The following ADORA1 variants were observed in gnomAD, a reference collection of about 807,000 sequenced individuals.
ADORA1 encodes the protein adenosine receptor A1.
In ADORA1, 6 loss-of-function variants were observed where a neutral mutation model predicts 19.9. The observed-to-expected ratio is 0.30, with a 90% CI of 0.17 to 0.59. ADORA1 has a LOEUF of 0.59. ADORA1 is among the 20% of genes least tolerant of loss of function. The pLI is 0.87. For missense variants in ADORA1, 302 were observed against 439.2 expected, an observed-to-expected ratio of 0.69 and a Z score of 2.79; for synonymous variants, 194 against 188.4, an observed-to-expected ratio of 1.03 and a Z score of -0.24.
At chr1:203,132,301 C>A (rs1420905057) in intron 3 of ADORA1, among the ~76,000 whole-genome samples, 1 of 152,148 alleles carries the variant, frequency 6.6e-6, no homozygotes, top group Non-Finnish European at 1.5e-5. Flanking sequence ...AATTTGGTGC[C>A]TACTCCCGAG....
chr1:203,130,064 C>T (rs866163425), intron 3 of ADORA1, among the ~76,000 whole-genome samples: 25 of 152,222 alleles, frequency 1.6e-4, no homozygotes, highest in African/African-American at 5.1e-4. Context: ...CCTGCTGGGA[C>T]GCTCTTGTGA....
chr1:203,141,767 G>C (rs1654702775), intron 3 of ADORA1, among the ~76,000 whole-genome samples: 1 of 151,892 alleles, frequency 6.6e-6, no homozygotes, highest in South Asian at 2.1e-4. Context: ...ATTTTTAGTA[G>C]AGATGGAGTT....
intron 3 of ADORA1, among the ~76,000 whole-genome samples, chr1:203,156,436 C>T (rs913039543): frequency 6.6e-6 from 1 of 152,112 alleles, no homozygotes; most frequent in African/African-American, 2.4e-5. Context: ...AAGTGCAAAG[C>T]CCCTGAGGTA....
At chr1:203,154,744 G>A (rs576712546) in intron 3 of ADORA1, among the ~76,000 whole-genome samples, 3 of 152,290 alleles carry the variant, frequency 2.0e-5, no homozygotes, top group South Asian at 2.1e-4. Flanking sequence ...GCAGCCTGCC[G>A]GGGTCAGCCC....
At chr1:203,130,325 G>A (rs1390974779) in intron 3 of ADORA1, among the ~76,000 whole-genome samples, 1 of 152,252 alleles carries the variant, frequency 6.6e-6, no homozygotes, top group Non-Finnish European at 1.5e-5. Flanking sequence ...TCACGCCGCT[G>A]TAAGGGAGGT....
chr1:203,146,900 G>A (rs974498785), intron 3 of ADORA1, among the ~76,000 whole-genome samples: 2 of 152,210 alleles, frequency 1.3e-5, no homozygotes, highest in Admixed American at 6.5e-5. Context: ...GGTCCACAGA[G>A]GTGAGAATGG....
intron 3 of ADORA1, among the ~76,000 whole-genome samples, chr1:203,156,015 C>A (rs574881949): frequency 2.0e-5 from 3 of 152,350 alleles, no homozygotes; most frequent in Non-Finnish European, 4.4e-5. Flanking sequence ...CTTGAGCAAT[C>A]ATTTCTGAAT....
intron 3 of ADORA1, chr1:203,144,740 G>A (rs1654807746): frequency 6.6e-6 from 1 of 152,210 alleles, no homozygotes; most frequent in African/African-American, 2.4e-5. Flanking sequence ...CCCCACTGCG[G>A]AGCTGTCTGT....
At chr1:203,132,296 G>T (rs538514928) in intron 3 of ADORA1, among the ~76,000 whole-genome samples, 1 of 152,096 alleles carries the variant, frequency 6.6e-6, no homozygotes, top group South Asian at 2.1e-4. Context: ...GTGGCAATTT[G>T]GTGCCTACTC....
chr1:203,161,423 A>G (rs935535064), intron 3 of ADORA1, among the ~76,000 whole-genome samples: 2 of 152,110 alleles, frequency 1.3e-5, no homozygotes, highest in Non-Finnish European at 2.9e-5. Context: ...TGGACAACAC[A>G]GGGGGGCCCC....
intron 3 of ADORA1, among the ~76,000 whole-genome samples, chr1:203,148,266 T>C (rs894081951): frequency 3.9e-5 from 6 of 152,118 alleles, no homozygotes; most frequent in African/African-American, 1.4e-4. Flanking sequence ...CTGGCCTAGG[T>C]TGCAATGACA....
At chr1:203,150,669 A>G in intron 3 of ADORA1, 2 of 1,289,816 alleles carry the variant, frequency 1.6e-6, no homozygotes, top group Non-Finnish European at 2.0e-6. Flanking sequence ...CTGATGCAGC[A>G]GGAAGAACTG....
At chr1:203,129,431 G>A (rs1654263530) in intron 3 of ADORA1, among the ~76,000 whole-genome samples, 1 of 152,194 alleles carries the variant, frequency 6.6e-6, no homozygotes, top group South Asian at 2.1e-4. Flanking sequence ...TGAAGCTCTT[G>A]CAGCCAGGGA....
At chr1:203,158,970 A>C (rs967387363) in intron 3 of ADORA1, among the ~76,000 whole-genome samples, 10 of 152,376 alleles carry the variant, frequency 6.6e-5, no homozygotes, top group Admixed American at 4.6e-4. Context: ...CAGAGCTCTC[A>C]GGATCTAATT....
At position 203,129,138 on chromosome 1, in the gene ADORA1, G is replaced by C. The variant is rs199529688; in HGVS notation, c.297G>C (p.Leu99=). The C allele has an allele frequency of 4.3e-6, 7 of 1,613,942 alleles. No individual in the cohort carries two copies. The African/African-American group carries it at 9.3e-5, about 22-fold the overall frequency. Residue 99 remains leucine (L), a synonymous_variant, in exon 3 of 4, where the codon CTG becomes CTC. Coordinates refer to ENST00000337894, the MANE Select transcript of ADORA1 (RefSeq NM_000674.3). ...CCCAGAGCTCCATCCTGGCCCTGCTGGCAATTGCTGTGGACCGCTACCTCC... is the reference window on the plus strand; with the variant it reads ...CCCAGAGCTCCATCCTGGCCCTGCTCGCAATTGCTGTGGACCGCTACCTCC... ...ILTQSSILAL[L]AIAVDRYLRV...
rs1654278232 is a variant in ADORA1, at chr1:203,129,877, G to A, written c.341+695G>A. Among the ~76,000 whole-genome samples the A allele has an allele frequency of 2.6e-5, 4 of 152,312 alleles. No individual in the cohort carries two copies. In the South Asian group the frequency reaches 8.3e-4, roughly 32 times the overall value. On this transcript the variant is annotated intron_variant, in intron 3 of 3. Coordinates refer to ENST00000337894, the MANE Select transcript of ADORA1 (RefSeq NM_000674.3). ...CAAAACCACCTCTTTGCTGGTCACA[G>A]TAGAGGTGCTTGTGCTGCTCCCAGG...
At chr1:203,136,975 A>G (rs1232358095) in intron 3 of ADORA1, among the ~76,000 whole-genome samples, 2 of 152,218 alleles carry the variant, frequency 1.3e-5, no homozygotes, top group Non-Finnish European at 2.9e-5. Flanking sequence ...ATTCTAATGA[A>G]TTGGAAATCA....
intron 3 of ADORA1, among the ~76,000 whole-genome samples, chr1:203,158,995 C>G (rs1348469363): frequency 6.6e-6 from 1 of 152,190 alleles, no homozygotes; most frequent in African/African-American, 2.4e-5. Flanking sequence ...CTTAAAGTCC[C>G]ACCTTTCAAC....
chr1:203,132,534 C>G (rs544512071), intron 3 of ADORA1, among the ~76,000 whole-genome samples: 2 of 152,300 alleles, frequency 1.3e-5, no homozygotes, highest in South Asian at 4.1e-4. Flanking sequence ...CTTTCCCCTT[C>G]ACCATCTGTT....
Sources: allele counts gnomAD v4.1 joint callset (sites outside exome capture counted in the v4.1 genomes callset), GRCh38; gene constraint gnomAD v4.1.1; transcripts MANE v1.5; gene names NCBI Gene and HGNC (gene_info 2026-07-23, HGNC 2026-07-21).